Variants in ANXA2 observed in about 807,000 individuals in gnomAD.
ANXA2 encodes the protein annexin A2.
In ANXA2, 28 loss-of-function variants were observed where a neutral mutation model predicts 47.3. The ratio of observed to expected loss-of-function variants is 0.59; its 90% CI spans 0.44 to 0.81. The LOEUF is 0.81. Ranked by LOEUF, ANXA2 falls within the 40% of genes least tolerant of loss-of-function variation. ANXA2 has a pLI of 0.00. For synonymous variants in ANXA2, 172 were observed against 155.5 expected (o/e 1.11, Z -0.79); for missense variants, 384 against 414.3 (o/e 0.93, Z 0.64).
chr15:60,358,241 A>C (rs1300004929), intron 5 of ANXA2, among the ~76,000 whole-genome samples: 1 of 152,240 alleles, frequency 6.6e-6, no homozygotes, highest in Non-Finnish European at 1.5e-5. Flanking sequence ...AAGGAATAAG[A>C]ATTTGATGGG....
chr15:60,392,039 G>T (rs1396888716), intron 1 of ANXA2, among the ~76,000 whole-genome samples: 1 of 152,122 alleles, frequency 6.6e-6, no homozygotes, highest in East Asian at 1.9e-4. Context: ...ACGTTTTTCT[G>T]TTTAAGGAAA....
chr15:60,392,635 C>T (rs1473699552), intron 1 of ANXA2, among the ~76,000 whole-genome samples: 1 of 152,184 alleles, frequency 6.6e-6, no homozygotes, highest in East Asian at 1.9e-4. Context: ...TTCCAAAAAG[C>T]CCAAATGTTA....
chr15:60,360,924 AT>A lies in ANXA2; in HGVS notation c.357+16del. 6.8e-7 allele frequency: 1 copy of A among 1,467,134 alleles called. No homozygotes were observed. The highest frequency in any genetic ancestry group is 9.6e-7 in the Non-Finnish European group (1 of 1,046,690). The allele number at this position is 1,467,134 out of a possible 1,614,324, so 90.9% of individuals were successfully genotyped here. A position where few individuals can be genotyped will look rare whatever the true frequency, so the allele number is the denominator to read the frequency against. ...TAATAGCAGATTTGACAGAGATGACATCTCACATGCATTTACCTTCATGGAA... is the reference window on the plus strand; with the variant it reads ...TAATAGCAGATTTGACAGAGATGACACTCACATGCATTTACCTTCATGGAA... On this transcript the variant is annotated intron_variant, in intron 5 of 12. Transcript: ENST00000451270.
At chr15:60,364,180 CGAGGGATCTATGTTGTACACTCCTTAT>C (rs2062558126) in intron 4 of ANXA2, among the ~76,000 whole-genome samples, 1 of 152,194 alleles carries the variant, frequency 6.6e-6, no homozygotes, top group Non-Finnish European at 1.5e-5. Context: ...ACTGCACACG[CGAGGGATCTATGTTGTACACTCCTTAT>C]GAGAACCTAA....
intron 3 of ANXA2, among the ~76,000 whole-genome samples, chr15:60,366,270 C>G (rs1200898547): frequency 6.6e-6 from 1 of 151,234 alleles, no homozygotes; most frequent in Non-Finnish European, 1.5e-5. Flanking sequence ...GCCGCCACCC[C>G]GTCTGGGAAG....
intron 3 of ANXA2, among the ~76,000 whole-genome samples, chr15:60,381,513 A>T (rs1334486380): frequency 6.6e-6 from 1 of 152,168 alleles, no homozygotes; most frequent in Admixed American, 6.5e-5. Context: ...GACCCAGAAA[A>T]CAATATAATG....
At chr15:60,368,309 A>T (rs1042745959) in intron 3 of ANXA2, among the ~76,000 whole-genome samples, 11 of 130,636 alleles carry the variant, frequency 8.4e-5, no homozygotes, top group South Asian at 2.4e-4. Flanking sequence ...AATGATCAAT[A>T]AAAAAAAAAA....
chr15:60,377,092 A>G (rs1161158510), intron 3 of ANXA2, among the ~76,000 whole-genome samples: 1 of 152,146 alleles, frequency 6.6e-6, no homozygotes, highest in Non-Finnish European at 1.5e-5. Context: ...AACACCAACT[A>G]CTTAGTATTG....
At chr15:60,389,487 C>CA (rs2062978892) in intron 1 of ANXA2, among the ~76,000 whole-genome samples, 1 of 152,172 alleles carries the variant, frequency 6.6e-6, no homozygotes, top group Non-Finnish European at 1.5e-5. Context: ...AGATCAAAGA[C>CA]AATCTGATAG....
At chr15:60,376,566 G>A (rs2062781865) in intron 3 of ANXA2, among the ~76,000 whole-genome samples, 1 of 152,282 alleles carries the variant, frequency 6.6e-6, no homozygotes, top group East Asian at 1.9e-4. Context: ...CAGCAATTAG[G>A]AATATATTCT....
At chr15:60,369,725 CTTAT>C (rs1388297252) in intron 3 of ANXA2, among the ~76,000 whole-genome samples, 1 of 152,184 alleles carries the variant, frequency 6.6e-6, no homozygotes, top group East Asian at 1.9e-4. Context: ...CTAGTAATTC[CTTAT>C]TTGAGAATCA....
rs186593645 is a variant in ANXA2 at position 60,348,698 on chromosome 15, T to C, written c.960+377A>G. On this transcript the variant is annotated intron_variant, in intron 12 of 12. Transcript: ENST00000451270. ...AGTCGGAGGTTGCAGTGAGCCGAGA[T>C]TGTGGCCACTGCACTCCAGCCTGGG... Among the ~76,000 whole-genome samples the C allele has an allele frequency of 6.6e-4, 100 of 150,876 alleles. No individual in the cohort carries two copies. In the East Asian group the frequency reaches 0.017, roughly 26 times the overall value.
chr15:60,354,255 G>A lies in ANXA2; in HGVS notation c.529-42C>T, dbSNP rs1416921555. The A allele has an allele frequency of 4.6e-6, 7 of 1,512,480 alleles. No individual in the cohort carries two copies. In the African/African-American group the frequency reaches 8.4e-5, roughly 18 times the overall value. The allele number at this position is 1,512,480 out of a possible 1,614,324, so 93.7% of individuals were successfully genotyped here. A position where few individuals can be genotyped will look rare whatever the true frequency, so the allele number is the denominator to read the frequency against. On this transcript the variant is annotated intron_variant, in intron 7 of 12. Coordinates refer to ENST00000451270, the MANE Select transcript of ANXA2 (RefSeq NM_004039.3). ...AAGAACTTCAAATACATTTCTTTGT[G>A]TATTTTAAAACTGAAAATGTTTTCT...
chr15:60,371,291 G>T (rs187833342), intron 3 of ANXA2, among the ~76,000 whole-genome samples: 1 of 152,206 alleles, frequency 6.6e-6, no homozygotes, highest in South Asian at 2.1e-4. Flanking sequence ...GGAATGCCAC[G>T]GGGAGGTGTT....
chr15:60,374,770 T>A lies in ANXA2; in HGVS notation c.148+7572A>T, dbSNP rs571944702. The A allele has an allele frequency of 9.7e-5, 44 of 451,358 alleles. 1 individual carries two copies. The highest frequency in any genetic ancestry group is 6.7e-4 in the South Asian group (43 of 64,034). The allele number at this position is 451,358 out of a possible 1,614,324, so 28.0% of individuals were successfully genotyped here. A position where few individuals can be genotyped will look rare whatever the true frequency, so the allele number is the denominator to read the frequency against. On this transcript the variant is annotated intron_variant, in intron 3 of 12. Coordinates refer to ENST00000451270, the MANE Select transcript of ANXA2 (RefSeq NM_004039.3). ...GGCTGTGACTCAGCACTGGCCTCTT[T>A]GTTCCCAGCACTGCTGTAAGATGAG...
intron 3 of ANXA2, among the ~76,000 whole-genome samples, chr15:60,367,180 C>CCCCCG (rs2062631784): frequency 6.4e-5 from 5 of 78,160 alleles, no homozygotes; most frequent in Non-Finnish European, 1.3e-4. Context: ...GGGGGTCAGC[C>CCCCCG]CCCCGTCCGG....
At position 60,360,400 on chromosome 15, in the gene ANXA2, C is replaced by G. The variant is rs199650651; in HGVS notation, c.357+541G>C. On this transcript the variant is annotated intron_variant, in intron 5 of 12. Transcript: ENST00000451270. The stretch of plus-strand genomic sequence containing the variant: ...TACAAAAGAAAAACATAAAAGATAA[C>G]GTGCATTGAGACTTCACAGTTACTT... 3.3e-5 allele frequency among the ~76,000 whole-genome samples: 5 copies of G among 152,286 alleles called. No individual in the cohort carries two copies. The East Asian group carries it at 9.6e-4, about 29-fold the overall frequency.
intron 7 of ANXA2, 44 bp downstream of exon 7, chr15:60,355,874 GC>G: frequency 2.0e-6 from 3 of 1,474,802 alleles, no homozygotes; most frequent in Non-Finnish European, 2.8e-6. Context: ...TATGTGACTT[GC>G]CTTGGGAGGA....
At chr15:60,363,967 C>CTGT (rs923450167) in intron 4 of ANXA2, among the ~76,000 whole-genome samples, 1 of 152,132 alleles carries the variant, frequency 6.6e-6, no homozygotes, top group Admixed American at 6.5e-5. Context: ...TAAATGGTGC[C>CTGT]TGTTGTTGTT....
Sources: gnomAD v4.1 joint callset for allele counts (sites outside exome capture counted in the v4.1 genomes callset) on GRCh38, gnomAD v4.1.1 for gene constraint, MANE v1.5 for transcripts, NCBI Gene and HGNC (gene_info 2026-07-23, HGNC 2026-07-21) for gene names.